The following NCAPD2 variants were observed in gnomAD, a reference collection of about 807,000 sequenced individuals.
NCAPD2 encodes condensin complex subunit 1.
A neutral mutation model predicts 164.5 loss-of-function variants in NCAPD2; 100 were observed. That is an observed-to-expected ratio of 0.61 (90% CI 0.52 to 0.72). The LOEUF is 0.72. NCAPD2 is among the 30% of genes least tolerant of loss of function. The pLI is 0.00. For synonymous variants in NCAPD2, 585 were observed against 642.6 expected, an observed-to-expected ratio of 0.91 and a Z score of 1.36; for missense variants, 1,560 against 1,749.2, an observed-to-expected ratio of 0.89 and a Z score of 1.93.
At chr12:6,511,425 T>G (rs531170509) in intron 6 of NCAPD2, among the ~76,000 whole-genome samples, 173 bp downstream of exon 6, 1 of 151,610 alleles carries the variant, frequency 6.6e-6, no homozygotes, top group African/African-American at 2.4e-5. Context: ...CTCTACCTCC[T>G]GGGTTCAAGC....
chr12:6,506,791 G>T (rs923595017), intron 2 of NCAPD2, among the ~76,000 whole-genome samples: 2 of 152,112 alleles, frequency 1.3e-5, no homozygotes, highest in African/African-American at 4.8e-5. Flanking sequence ...GCTGCAGTAA[G>T]CTGTGATTGT....
chr12:6,525,682 T>A lies in NCAPD2; in HGVS notation c.2314T>A (p.Cys772Ser), dbSNP rs779228154. 1.9e-6 allele frequency: 3 copies of A among 1,613,736 alleles called. No homozygotes were observed. The highest frequency in any genetic ancestry group is 2.2e-5 in the South Asian group (2 of 91,068). Residue 772 changes from cysteine (C) to serine (S), a missense_variant, in exon 18 of 32, where the codon TGT becomes AGT. Transcript: ENST00000315579. Reference protein sequence around the residue: ...EKVACCPLERCSSVMLLGMMA... With the variant: ...EKVACCPLERSSSVMLLGMMA... ...GGTCGCCTGCTGTCCTCTGGAGCGC[T>A]GTTCCTCTGTCATGCTTCTTGGCAT... is the stretch of plus-strand genomic sequence containing the variant.
rs768983003 is a variant in NCAPD2, at chr12:6,529,607, CCTGAGGGTTCTTTGTG to C, written c.3653+20_3653+35del. On this transcript the variant is annotated intron_variant, in intron 28 of 31. Transcript: ENST00000315579. ...CCGCACATCCCGGTATGCTGCCCTC[CCTGAGGGTTCTTTGTG>C]CTGAGCGGGGCCCTGCAGGGGAGAA... 2 of 1,613,940 alleles carry C rather than the reference CCTGAGGGTTCTTTGTG, an allele frequency of 1.2e-6. No individual in the cohort carries two copies. The highest frequency in any genetic ancestry group is 2.2e-5 in the South Asian group (2 of 91,074).
At chr12:6,508,673 T>A (rs1319536470) in intron 2 of NCAPD2, among the ~76,000 whole-genome samples, 2 of 152,196 alleles carry the variant, frequency 1.3e-5, no homozygotes, top group African/African-American at 4.8e-5. Context: ...AAAAATGTGA[T>A]GTGAAACAGG....
intron 5 of NCAPD2, 99 bp from the exon 6 acceptor site, chr12:6,511,011 T>C (rs1386541126): frequency 4.3e-6 from 6 of 1,383,832 alleles, no homozygotes; most frequent in Non-Finnish European, 6.0e-6. Context: ...TTACCTTCTA[T>C]GTTGTCTTGG....
intron 6 of NCAPD2, among the ~76,000 whole-genome samples, 196 bp downstream of exon 6, chr12:6,511,448 T>C (rs1946145856): frequency 6.6e-6 from 1 of 151,906 alleles, no homozygotes; most frequent in African/African-American, 2.4e-5. Flanking sequence ...TTTTCCTGCC[T>C]CAGCCTCCCG....
In NCAPD2 at chr12:6,525,621, A is replaced by G; in HGVS notation, c.2253A>G (p.Ala751=). The part of the protein sequence containing the change: ...EFVQKDELKP[A]VTQLLWERAT... ...TGCAGAAGGATGAGTTGAAACCAGC[A>G]GTGACCCAGCTGCTGTGGGAGCGGG... The change falls in exon 18 of 32, where the codon GCA becomes GCG. Residue 751 remains alanine, a synonymous_variant. Transcript: ENST00000315579. 1 of 1,613,228 alleles carries G rather than the reference A, an allele frequency of 6.2e-7. No individual in the cohort carries two copies. Among genetic ancestry groups the G allele is most frequent in the South Asian group, 1.1e-5 (1 of 91,078 alleles).
intron 1 of NCAPD2, among the ~76,000 whole-genome samples, chr12:6,494,518 A>G (rs1179437646): frequency 6.6e-6 from 1 of 152,250 alleles, no homozygotes; most frequent in African/African-American, 2.4e-5. Context: ...CAGACTTGGC[A>G]CAGGATAAAT....
rs765391655 is a variant in NCAPD2, at chr12:6,510,664, C to T, written c.298C>T (p.Leu100=). Reference sequence around the variant, plus strand: ...CCACTCCCAGGAGCTTCCAGCTATCCTGGATGATACAACTTTGAGTGGATC... The same window carrying T: ...CCACTCCCAGGAGCTTCCAGCTATCTTGGATGATACAACTTTGAGTGGATC... ...SRHSQELPAI[L]DDTTLSGSDR... is the part of the protein sequence containing the mutation. Residue 100 remains leucine, a synonymous_variant, in exon 5 of 32, where the codon CTG becomes TTG. Coordinates refer to ENST00000315579, the MANE Select transcript of NCAPD2 (RefSeq NM_014865.4). 1 of 1,614,166 alleles carries T rather than the reference C, an allele frequency of 6.2e-7. No homozygotes were observed. The highest frequency in any genetic ancestry group is 1.1e-5 in the South Asian group (1 of 91,082).
At chr12:6,513,713 G>GTTTTTTTTTTTTTT (rs1303520172) in intron 6 of NCAPD2, among the ~76,000 whole-genome samples, 8 of 50,108 alleles carry the variant, frequency 1.6e-4, no homozygotes, top group African/African-American at 3.3e-4. Flanking sequence ...TGGTGACTTT[G>GTTTTTTTTTTTTTT]TCTTTTTTTT....
chr12:6,498,913 A>G (rs1347785162), intron 2 of NCAPD2, among the ~76,000 whole-genome samples: 1 of 152,044 alleles, frequency 6.6e-6, no homozygotes, highest in Non-Finnish European at 1.5e-5. Flanking sequence ...CTGTTTAACA[A>G]TAATATTAAT....
intron 13 of NCAPD2, among the ~76,000 whole-genome samples, chr12:6,518,504 G>GTTTTTTTTTTTTGTTGT (rs1946226973): frequency 2.2e-5 from 1 of 44,782 alleles, no homozygotes; most frequent in South Asian, 8.3e-4. Context: ...CCGTCAACAA[G>GTTTTTTTTTTTTGTTGT]TTTTTTTTTT....
In NCAPD2 at chr12:6,509,182, G is replaced by A. The variant is rs567628987; in HGVS notation, c.128-535G>A. On this transcript the variant is annotated intron_variant, in intron 2 of 31. Coordinates refer to ENST00000315579, the MANE Select transcript of NCAPD2 (RefSeq NM_014865.4). Reference sequence around the variant, plus strand: ...GTGTAAAGTAGGCGTGGTACTGTCTGCTTTTGCTCAGGTGTGGTGAAGCTC... The same window carrying A: ...GTGTAAAGTAGGCGTGGTACTGTCTACTTTTGCTCAGGTGTGGTGAAGCTC... 2.0e-5 allele frequency among the ~76,000 whole-genome samples: 3 copies of A among 152,116 alleles called. No individual in the cohort carries two copies. The East Asian group carries it at 5.8e-4, about 29-fold the overall frequency.
intron 2 of NCAPD2, among the ~76,000 whole-genome samples, chr12:6,508,087 T>C (rs980764113): frequency 6.6e-6 from 1 of 151,968 alleles, no homozygotes; most frequent in Non-Finnish European, 1.5e-5. Context: ...TCCCAGAACT[T>C]TGGGAGGCCG....
chr12:6,505,262 C>T (rs1946088659), intron 2 of NCAPD2, among the ~76,000 whole-genome samples: 1 of 152,136 alleles, frequency 6.6e-6, no homozygotes. Flanking sequence ...GACAGGGTTT[C>T]CCCATGTTGG....
At chr12:6,514,213 A>G in intron 6 of NCAPD2, 52 bp from the exon 7 acceptor site, 1 of 1,610,862 alleles carries the variant, frequency 6.2e-7, no homozygotes, top group East Asian at 2.2e-5. Flanking sequence ...GGGCTCTGAT[A>G]CAATTGGATT....
intron 9 of NCAPD2, among the ~76,000 whole-genome samples, chr12:6,515,703 T>C (rs1408327893): frequency 6.6e-6 from 1 of 152,250 alleles, no homozygotes; most frequent in Non-Finnish European, 1.5e-5. Flanking sequence ...TCATCTCATT[T>C]ACTTTAACTT....
Position 6,529,593 on chromosome 12 carries a change from G to A in NCAPD2, c.3653G>A (p.Arg1218Gln), listed in dbSNP as rs61731148. The A allele has an allele frequency of 2.5e-5, 40 of 1,614,022 alleles. No homozygotes were observed. The highest frequency in any genetic ancestry group is 6.7e-5 in the East Asian group (3 of 44,894). Residue 1218 changes from arginine to glutamine, a missense_variant and splice_region_variant, in exon 28 of 32, where the codon CGA becomes CAA. Coordinates refer to ENST00000315579, the MANE Select transcript of NCAPD2 (RefSeq NM_014865.4). Reference sequence around the variant, plus strand: ...CTGTGTCAGCGGTTCCGCACATCCCGGTATGCTGCCCTCCCTGAGGGTTCT... The same window carrying A: ...CTGTGTCAGCGGTTCCGCACATCCCAGTATGCTGCCCTCCCTGAGGGTTCT... Reference protein sequence around the residue: ...EKLCQRFRTSRTERQQRDLAY... With the variant: ...EKLCQRFRTSQTERQQRDLAY...
chr12:6,514,792 C>T lies in NCAPD2; in HGVS notation c.859C>T (p.Pro287Ser). 1 of 1,614,178 alleles carries T rather than the reference C, an allele frequency of 6.2e-7. No homozygotes were observed. Among genetic ancestry groups the T allele is most frequent in the Non-Finnish European group, 8.5e-7 (1 of 1,180,022 alleles). Residue 287 changes from proline (P) to serine (S), a missense_variant, in exon 9 of 32, where the codon CCC becomes TCC. Transcript: ENST00000315579. ...GTGTAGAGAGATTGGACAAAAGTGT[C>T]CCCAAGAGCTGAGTCGAGACCCTTC... ...EIVREIGQKC[P>S]QELSRDPSGT...
Sources: gnomAD v4.1 joint callset for allele counts (sites outside exome capture counted in the v4.1 genomes callset) on GRCh38, gnomAD v4.1.1 for gene constraint, MANE v1.5 for transcripts, NCBI Gene and HGNC (gene_info 2026-07-23, HGNC 2026-07-21) for gene names.